Variants in PHPT1 observed in about 807,000 individuals in gnomAD.
The protein encoded by PHPT1 is phosphohistidine phosphatase 1.
In PHPT1, 16 loss-of-function variants were observed where a neutral mutation model predicts 15.6. That is an observed-to-expected ratio of 1.03 (90% CI 0.70 to 1.56). The LOEUF is 1.56. Ranked by LOEUF, PHPT1 falls within the 40% of genes most tolerant of loss-of-function variation. The pLI is 0.00. For synonymous variants in PHPT1, 102 were observed against 68.1 expected (o/e 1.50, Z -2.45); for missense variants, 228 against 171.0 (o/e 1.33, Z -1.86).
In PHPT1 at chr9:136,850,136, T is replaced by A; in HGVS notation, c.284T>A (p.Met95Lys). The A allele has an allele frequency of 6.2e-7, 1 of 1,612,978 alleles. No homozygotes were observed. Residue 95 changes from methionine to lysine, a missense_variant and splice_region_variant, in exon 2 of 3, where the codon ATG becomes AAG. Transcript: ENST00000247665. ...AAGATTCACGTGTACGGCTATTCCA[T>A]GGTGAGCCGCAGCCCCGTCCCGCCC... is the stretch of plus-strand genomic sequence containing the variant. Reference protein sequence around the residue: ...DKKIHVYGYSMAYGPAQHAIS... With the variant: ...DKKIHVYGYSKAYGPAQHAIS...
intron 2 of PHPT1, 90 bp downstream of exon 2, chr9:136,850,227 C>A: frequency 6.4e-7 from 1 of 1,552,962 alleles, no homozygotes; most frequent in Non-Finnish European, 8.8e-7. Flanking sequence ...GTGGCCCCAG[C>A]TGAGCACGCA....
At position 136,850,962 on chromosome 9, in the gene PHPT1, T is replaced by G. The variant is rs1848905242; in HGVS notation, c.*115T>G. The G allele has an allele frequency of 1.2e-6, 1 of 824,540 alleles. No individual in the cohort carries two copies. 51.1% of individuals were successfully genotyped at this position (824,540 alleles called of 1,614,324 possible). A position where few individuals can be genotyped will look rare whatever the true frequency, so the allele number is the denominator to read the frequency against. On this transcript the variant is annotated 3_prime_UTR_variant, in exon 3 of 3. Transcript: ENST00000247665. ...GCTCCTGCGGCAGCCTCTGGTGACG[T>G]GCTGTCCACCAGGCCTTGGAGACAG...
intron 1 of PHPT1, 140 bp from the exon 2 acceptor site, chr9:136,849,873 T>A: frequency 1.1e-6 from 1 of 924,554 alleles, no homozygotes; most frequent in Non-Finnish European, 1.6e-6. Context: ...CATTCATCCC[T>A]GTCCCAGCCT....
chr9:136,849,473 G>C lies in PHPT1; in HGVS notation c.43G>C (p.Asp15His). Residue 15 changes from aspartate to histidine, a missense_variant, in exon 1 of 3, where the codon GAC becomes CAC. By Grantham distance (81) the Asp-to-His change is moderately conservative. Coordinates refer to ENST00000247665, the MANE Select transcript of PHPT1 (RefSeq NM_014172.6). Reference sequence around the variant, plus strand: ...CGCTCTCATTCCTGATGTGGACATCGACTCCGACGGCGTCTTCAAGTATGT... The same window carrying C: ...CGCTCTCATTCCTGATGTGGACATCCACTCCGACGGCGTCTTCAAGTATGT... Reference protein sequence around the residue: ...DLALIPDVDIDSDGVFKYVLI... With the variant: ...DLALIPDVDIHSDGVFKYVLI... The C allele has an allele frequency of 6.2e-7, 1 of 1,611,126 alleles. No homozygotes were observed. The highest frequency in any genetic ancestry group is 1.7e-5 in the Admixed American group (1 of 59,864).
At position 136,850,626 on chromosome 9, in the gene PHPT1, T is replaced by C. The variant is rs148675097; in HGVS notation, c.286-129T>C. 5,224 of 1,533,938 alleles carry C rather than the reference T, an allele frequency of 3.4e-3. 53 individuals carry two copies. The highest frequency in any genetic ancestry group is 2.1e-3 in the Non-Finnish European group (2,309 of 1,111,928). On this transcript the variant is annotated intron_variant, in intron 2 of 2. Transcript: ENST00000247665. ...CCCAAGGGCGGTCGGGATGGTGGGT[T>C]TGGCATCCCCAGGCACTGCCTATCC...
chr9:136,850,137 G>T lies in PHPT1; in HGVS notation c.285G>T (p.Met95Ile), dbSNP rs777440039. The T allele has an allele frequency of 2.5e-6, 4 of 1,612,926 alleles. No homozygotes were observed. The highest frequency in any genetic ancestry group is 1.7e-5 in the Admixed American group (1 of 59,998). ...AGATTCACGTGTACGGCTATTCCAT[G>T]GTGAGCCGCAGCCCCGTCCCGCCCT... Reference protein sequence around the residue: ...DKKIHVYGYSMAYGPAQHAIS... With the variant: ...DKKIHVYGYSIAYGPAQHAIS... The change falls in exon 2 of 3, where the codon ATG becomes ATT. Residue 95 changes from methionine to isoleucine, a missense_variant and splice_region_variant. By Grantham distance (10) the Met-to-Ile change is conservative (BLOSUM62 1). Transcript: ENST00000247665.
chr9:136,850,004 C>T lies in PHPT1; in HGVS notation c.161-9C>T. The T allele has an allele frequency of 2.5e-6, 4 of 1,608,108 alleles. No homozygotes were observed. Among genetic ancestry groups the T allele is most frequent in the Non-Finnish European group, 3.4e-6 (4 of 1,176,746 alleles). On this transcript the variant is annotated splice_polypyrimidine_tract_variant and intron_variant, in intron 1 of 2. Transcript: ENST00000247665. ...CAGGGCACGTCCTGAGGCCGCCCTC[C>T]CATCCCAGCGGACATCTACGACAAA...
rs748228080 is a variant in PHPT1 at position 136,850,239 on chromosome 9, G to C, written c.285+102G>C. 6.7e-6 allele frequency: 10 copies of C among 1,491,932 alleles called. No homozygotes were observed. In the African/African-American group the frequency reaches 8.3e-5, roughly 12 times the overall value. The allele number at this position is 1,491,932 out of a possible 1,614,324, so 92.4% of individuals were successfully genotyped here. On this transcript the variant is annotated intron_variant, in intron 2 of 2. Transcript: ENST00000247665. ...CCCGTGGCCCCAGCTGAGCACGCAG[G>C]CTTCCTGGGGTTCTCCCAGGGTCGG...
At chr9:136,850,308 C>G (rs1848878725) in intron 2 of PHPT1, 171 bp downstream of exon 2, 1 of 904,670 alleles carries the variant, frequency 1.1e-6, no homozygotes. Flanking sequence ...CCTGCATTCC[C>G]CCATGGAGCA....
At position 136,849,421 on chromosome 9, in the gene PHPT1, G is replaced by T. The variant is rs1206865028; in HGVS notation, c.-10G>T. On this transcript the variant is annotated 5_prime_UTR_variant, in exon 1 of 3. Transcript: ENST00000247665. ...GTCGGGTGGGAGGAGGGGACTCCGG[G>T]AGGAGGAACATGGCGGTGGCGGACC... The T allele has an allele frequency of 6.3e-7, 1 of 1,589,434 alleles. No homozygotes were observed. Among genetic ancestry groups the T allele is most frequent in the East Asian group, 2.4e-5 (1 of 42,450 alleles).
In PHPT1 at chr9:136,849,524, C is replaced by T; in HGVS notation, c.94C>T (p.Arg32Cys). ...GCTGATCCGAGTCCACTCGGCTCCCCGCTCCGGGGCTCCGGCTGCAGAGAG... is the reference window on the plus strand; with the variant it reads ...GCTGATCCGAGTCCACTCGGCTCCCTGCTCCGGGGCTCCGGCTGCAGAGAG... ...YVLIRVHSAPRSGAPAAESKE... is the reference protein window; with the variant it reads ...YVLIRVHSAPCSGAPAAESKE... Residue 32 changes from arginine (R) to cysteine (C), a missense_variant, in exon 1 of 3, where the codon CGC (arginine) becomes TGC (cysteine). Coordinates refer to ENST00000247665, the MANE Select transcript of PHPT1 (RefSeq NM_014172.6). 1 of 1,611,404 alleles carries T rather than the reference C, an allele frequency of 6.2e-7. No homozygotes were observed. The highest frequency in any genetic ancestry group is 8.5e-7 in the Non-Finnish European group (1 of 1,179,542).
rs373956245 is a variant in PHPT1, at chr9:136,850,155, C to T, written c.285+18C>T. 119 of 1,612,854 alleles carry T rather than the reference C, an allele frequency of 7.4e-5. No individual in the cohort carries two copies. The African/African-American group carries it at 9.9e-4, about 13-fold the overall frequency. On this transcript the variant is annotated intron_variant, in intron 2 of 2. Coordinates refer to ENST00000247665, the MANE Select transcript of PHPT1 (RefSeq NM_014172.6). ...ATTCCATGGTGAGCCGCAGCCCCGT[C>T]CCGCCCTGCCGGAGGCCCCAGTACC... is the stretch of plus-strand genomic sequence containing the variant.
At chr9:136,850,615 G>A in intron 2 of PHPT1, 140 bp from the exon 3 acceptor site, 1 of 1,572,346 alleles carries the variant, frequency 6.4e-7, no homozygotes, top group South Asian at 1.1e-5. Flanking sequence ...AGGGCGGTCG[G>A]GATGGTGGGT....
chr9:136,849,962 C>T (rs371437856), intron 1 of PHPT1, 51 bp from the exon 2 acceptor site: 307 of 1,569,232 alleles, frequency 2.0e-4, no homozygotes, highest in Non-Finnish European at 2.6e-4. Context: ...GTTCCTCCCG[C>T]GGCCTCCAAG....
chr9:136,849,941 T>C (rs1848863607), intron 1 of PHPT1, 72 bp from the exon 2 acceptor site: 1 of 1,514,360 alleles, frequency 6.6e-7, no homozygotes, highest in South Asian at 1.2e-5. Context: ...TTCAGACCCC[T>C]TCGGCTGGGA....
rs778575316 is a variant in PHPT1, at chr9:136,850,924, G to A, written c.*77G>A. ...CCTTTGCCTGCACTCCTCTTGCAGG[G>A]CTGGCCCTGCCTGCTCCTGCGGCAG... On this transcript the variant is annotated 3_prime_UTR_variant, in exon 3 of 3. Coordinates refer to ENST00000247665, the MANE Select transcript of PHPT1 (RefSeq NM_014172.6). The A allele has an allele frequency of 1.1e-5, 12 of 1,107,184 alleles. No individual in the cohort carries two copies. The highest frequency in any genetic ancestry group is 1.7e-5 in the Non-Finnish European group (12 of 720,224). The allele number at this position is 1,107,184 out of a possible 1,614,324, so 68.6% of individuals were successfully genotyped here. A position where few individuals can be genotyped will look rare whatever the true frequency, so the allele number is the denominator to read the frequency against.
intron 2 of PHPT1, chr9:136,850,519 G>A (rs374170609): frequency 3.6e-5 from 58 of 1,611,926 alleles, no homozygotes; most frequent in Non-Finnish European, 4.7e-5. Context: ...AGACCCACGT[G>A]CGTCCCTCTG....
At chr9:136,849,681 G>T in intron 1 of PHPT1, 91 bp downstream of exon 1, 1 of 794,684 alleles carries the variant, frequency 1.3e-6, no homozygotes, top group Admixed American at 4.1e-5. Context: ...CGAGGCAGGG[G>T]CGGGGCTGGC....
intron 2 of PHPT1, 141 bp downstream of exon 2, chr9:136,850,278 C>T (rs532973783): frequency 2.6e-5 from 28 of 1,073,834 alleles, no homozygotes; most frequent in Admixed American, 4.2e-5. Flanking sequence ...CAGAGCCCTC[C>T]CTCCAGGGCC....
Sources: gnomAD v4.1 joint callset for allele counts on GRCh38, gnomAD v4.1.1 for gene constraint, MANE v1.5 for transcripts, NCBI Gene and HGNC (gene_info 2026-07-23, HGNC 2026-07-21) for gene names.